The following PRKN variants were observed in gnomAD, a reference collection of about 807,000 sequenced individuals.
PRKN encodes the protein parkin RBR E3 ubiquitin protein ligase, also known as E3 ubiquitin-protein ligase parkin.
Under a neutral mutation model 59.5 loss-of-function variants are expected in PRKN, and 56 were observed. That is an observed-to-expected ratio of 0.94 (90% CI 0.76 to 1.18). PRKN has a LOEUF of 1.18. Among genes scored for constraint, PRKN ranks in the 50% most tolerant of loss-of-function variants. PRKN has a pLI of 0.00. For synonymous variants in PRKN, 250 were observed against 222.1 expected, an observed-to-expected ratio of 1.13 and a Z score of -1.12; for missense variants, 657 against 596.4, an observed-to-expected ratio of 1.10 and a Z score of -1.06.
intron 1 of PRKN, among the ~76,000 whole-genome samples, chr6:162,527,669 C>T (rs1251544735): frequency 6.6e-6 from 1 of 152,174 alleles, no homozygotes; most frequent in Non-Finnish European, 1.5e-5. Flanking sequence ...CTGATAAATA[C>T]TAACTTTAAC....
At chr6:161,925,793 C>T (rs1355409471) in intron 6 of PRKN, among the ~76,000 whole-genome samples, 1 of 152,054 alleles carries the variant, frequency 6.6e-6, no homozygotes, top group Non-Finnish European at 1.5e-5. Context: ...GGGGATAAAA[C>T]AAACAAACAA....
intron 9 of PRKN, among the ~76,000 whole-genome samples, chr6:161,476,620 C>T (rs1791096162): frequency 6.6e-6 from 1 of 152,148 alleles, no homozygotes. Flanking sequence ...AAAAATGGCT[C>T]CCAGGAAAAG....
intron 1 of PRKN, among the ~76,000 whole-genome samples, chr6:162,673,285 C>G (rs1368058551): frequency 6.6e-6 from 1 of 151,998 alleles, no homozygotes; most frequent in African/African-American, 2.4e-5. Context: ...GCACCTGCCA[C>G]AGAGGACACG....
At chr6:161,406,580 A>C (rs1415206376) in intron 9 of PRKN, among the ~76,000 whole-genome samples, 1 of 152,054 alleles carries the variant, frequency 6.6e-6, no homozygotes, top group Non-Finnish European at 1.5e-5. Context: ...TCTATATAGC[A>C]CAACAAAGTG....
intron 5 of PRKN, among the ~76,000 whole-genome samples, chr6:161,990,759 C>A (rs1270174029): frequency 6.6e-6 from 1 of 152,042 alleles, no homozygotes; most frequent in Non-Finnish European, 1.5e-5. Flanking sequence ...ATATATGGGA[C>A]ACCACAAAGC....
chr6:161,398,303 G>A (rs1052438254), intron 9 of PRKN, among the ~76,000 whole-genome samples: 1 of 152,078 alleles, frequency 6.6e-6, no homozygotes, highest in African/African-American at 2.4e-5. Flanking sequence ...ATGAATTGAA[G>A]GGACGCCCAT....
chr6:161,676,894 C>T (rs905488898), intron 7 of PRKN, among the ~76,000 whole-genome samples: 1 of 152,150 alleles, frequency 6.6e-6, no homozygotes, highest in African/African-American at 2.4e-5. Context: ...AAAAACAGCT[C>T]CTTGGTGGTG....
At chr6:162,560,645 C>T (rs568880341) in intron 1 of PRKN, among the ~76,000 whole-genome samples, 15 of 152,080 alleles carry the variant, frequency 9.9e-5, no homozygotes, top group African/African-American at 3.4e-4. Flanking sequence ...CATTAAAATG[C>T]ACTACCCTAA....
chr6:162,521,102 A>G (rs915470391), intron 1 of PRKN, among the ~76,000 whole-genome samples: 1 of 152,216 alleles, frequency 6.6e-6, no homozygotes, highest in Non-Finnish European at 1.5e-5. Context: ...AATAATTTAA[A>G]TAGAAAATTG....
rs1419264416 is a variant in PRKN, at chr6:161,372,735, A to G, written c.1168-12530T>C. ...TGGCAGTTCAACAAATTCCTAGGTG[A>G]TGCCGATGTCGCTAGCCTGCAGAGC... On this transcript the variant is annotated intron_variant, in intron 10 of 11. Coordinates refer to ENST00000366898, the MANE Select transcript of PRKN (RefSeq NM_004562.3). The surrounding 1 kb of genome is among the most constrained non-coding windows in gnomAD (Gnocchi z 4.2). Among the ~76,000 whole-genome samples the G allele has an allele frequency of 1.3e-5, 2 of 151,820 alleles. No individual in the cohort carries two copies. The highest frequency in any genetic ancestry group is 4.8e-5 in the African/African-American group (2 of 41,334).
intron 1 of PRKN, among the ~76,000 whole-genome samples, chr6:162,676,812 C>T (rs1779565196): frequency 6.6e-6 from 1 of 152,076 alleles, no homozygotes; most frequent in Non-Finnish European, 1.5e-5. Context: ...CCTGTCATCC[C>T]AGCACTTTGG....
At chr6:162,357,162 GACACTCTCC>G (rs1784907573) in intron 2 of PRKN, among the ~76,000 whole-genome samples, 1 of 152,010 alleles carries the variant, frequency 6.6e-6, no homozygotes, top group Non-Finnish European at 1.5e-5. Flanking sequence ...CTCTGCAAAA[GACACTCTCC>G]AGAGAATGAA....
rs947687473 is a variant in PRKN, at chr6:161,459,778, T to C, written c.1084-72901A>G. 2.6e-5 allele frequency among the ~76,000 whole-genome samples: 4 copies of C among 152,212 alleles called. No homozygotes were observed. Among genetic ancestry groups the C allele is most frequent in the Admixed American group, 6.5e-5 (1 of 15,284 alleles). Reference sequence around the variant, plus strand: ...AATTATAACAGTTCAGTTATTTGGTTTTCTCTTTGTCTCCTTCTTCATAAT... The same window carrying C: ...AATTATAACAGTTCAGTTATTTGGTCTTCTCTTTGTCTCCTTCTTCATAAT... On this transcript the variant is annotated intron_variant, in intron 9 of 11. Coordinates refer to ENST00000366898, the MANE Select transcript of PRKN (RefSeq NM_004562.3). This position sits in a 1 kb window ranked among gnomAD's most constrained non-coding sequence, Gnocchi z 4.8.
chr6:162,231,661 T>C (rs903403640), intron 3 of PRKN, among the ~76,000 whole-genome samples: 3 of 152,106 alleles, frequency 2.0e-5, no homozygotes, highest in Non-Finnish European at 2.9e-5. Flanking sequence ...CCTAGGAAAA[T>C]CATACTTGTG....
In PRKN at chr6:161,551,888, G is replaced by A. The variant is rs897455154; in HGVS notation, c.934-2885C>T. Among the ~76,000 whole-genome samples, 5 of 152,180 alleles carry A rather than the reference G, an allele frequency of 3.3e-5. No homozygotes were observed. Among genetic ancestry groups the A allele is most frequent in the Non-Finnish European group, 5.9e-5 (4 of 68,038 alleles). ...AAGAGCTCTGTCCTTGAGTAGGTTG[G>A]AGGGGAGGATCTAAAGGATGTGTGG... On this transcript the variant is annotated intron_variant, in intron 8 of 11. Coordinates refer to ENST00000366898, the MANE Select transcript of PRKN (RefSeq NM_004562.3). The surrounding 1 kb of genome is among the most constrained non-coding windows in gnomAD (Gnocchi z 5.2).
At chr6:162,298,625 C>G (rs930538104) in intron 2 of PRKN, among the ~76,000 whole-genome samples, 12 of 145,748 alleles carry the variant, frequency 8.2e-5, no homozygotes, top group Non-Finnish European at 1.5e-4. Context: ...CACCACCCCC[C>G]ACCCCCCAAC....
intron 7 of PRKN, among the ~76,000 whole-genome samples, chr6:161,771,382 T>G (rs139376855): frequency 0.44 from 49,998 of 112,806 alleles, 11,990 homozygotes; most frequent in Non-Finnish European, 0.53. Context: ...TAAAATAAAA[T>G]AAAATAAAAT....
At chr6:162,582,382 G>A (rs55847707) in intron 1 of PRKN, among the ~76,000 whole-genome samples, 15,567 of 152,210 alleles carry the variant, frequency 0.1, 936 homozygotes, top group Middle Eastern at 0.19. Context: ...TAAATGTTCT[G>A]TATCATCCAG....
intron 1 of PRKN, among the ~76,000 whole-genome samples, chr6:162,580,237 G>A (rs1780735311): frequency 6.6e-6 from 1 of 152,108 alleles, no homozygotes; most frequent in Non-Finnish European, 1.5e-5. Context: ...AGGAGTTTGA[G>A]ACCAGCCTGG....
Sources: allele counts gnomAD v4.1 joint callset (sites outside exome capture counted in the v4.1 genomes callset), GRCh38; gene constraint gnomAD v4.1.1; non-coding constraint Gnocchi (gnomAD v3.1); transcripts MANE v1.5; gene names NCBI Gene and HGNC (gene_info 2026-07-23, HGNC 2026-07-21).